Variants in DCTN4 observed in about 807,000 individuals in gnomAD.
DCTN4 encodes the protein dynactin subunit 4.
In DCTN4, 23 loss-of-function variants were observed where a neutral mutation model predicts 62.7. The ratio of observed to expected loss-of-function variants is 0.37; its 90% CI spans 0.26 to 0.52. The LOEUF (loss-of-function observed/expected upper bound fraction) is 0.52. Among genes scored for constraint, DCTN4 ranks in the 20% least tolerant of loss-of-function variants. DCTN4 has a pLI of 0.92. For synonymous variants in DCTN4, 199 were observed against 202.1 expected (o/e 0.98, Z 0.13); for missense variants, 514 against 580.4 (o/e 0.89, Z 1.18).
At chr5:150,722,541 G>A (rs757329755) in intron 9 of DCTN4, among the ~76,000 whole-genome samples, 1 of 152,124 alleles carries the variant, frequency 6.6e-6, no homozygotes, top group African/African-American at 2.4e-5. Context: ...CACTGTTACA[G>A]GGATACTCTT....
At chr5:150,757,960 ATTTTTTAAAAAAAGTATCCAC>A in intron 1 of DCTN4, 1 of 630,300 alleles carries the variant, frequency 1.6e-6, no homozygotes, top group Non-Finnish European at 2.0e-6. Flanking sequence ...TGTAAAAAAA[ATTTTTTAAAAAAAGTATCCAC>A]TTAAATTGGT....
chr5:150,756,468 G>C lies in DCTN4; in HGVS notation c.155C>G (p.Pro52Arg). ...VSHEVDSHYCPSCLENMPSAE... is the reference protein window; with the variant it reads ...VSHEVDSHYCRSCLENMPSAE... Reference sequence around the variant, plus strand: ...CGATGGCATATTTTCTAAACAACTGGGACAATAATGGGAGTCCACCTAGGA... The same window carrying C: ...CGATGGCATATTTTCTAAACAACTGCGACAATAATGGGAGTCCACCTAGGA... Residue 52 changes from proline to arginine, a missense_variant, in exon 2 of 13, where the codon CCC becomes CGC. Pro to Arg is a moderately radical substitution (Grantham distance 103, BLOSUM62 -2). Transcript: ENST00000447998. 6.2e-7 allele frequency: 1 copy of C among 1,600,894 alleles called. No individual in the cohort carries two copies. The highest frequency in any genetic ancestry group is 1.1e-5 in the South Asian group (1 of 88,046).
chr5:150,713,895 T>C (rs1759663286), intron 12 of DCTN4, among the ~76,000 whole-genome samples: 1 of 151,800 alleles, frequency 6.6e-6, no homozygotes, highest in Admixed American at 6.6e-5. Context: ...GTCGGGTGGA[T>C]CACTTTAGGT....
chr5:150,743,959 A>G (rs1341863138), intron 3 of DCTN4, among the ~76,000 whole-genome samples: 2 of 152,232 alleles, frequency 1.3e-5, no homozygotes, highest in Admixed American at 6.5e-5. Context: ...TGACGAGTTG[A>G]GAGAAGAAGG....
chr5:150,754,481 T>C (rs1752786817), intron 2 of DCTN4, among the ~76,000 whole-genome samples: 2 of 152,136 alleles, frequency 1.3e-5, no homozygotes, highest in African/African-American at 4.8e-5. Flanking sequence ...GAAAGACAAA[T>C]AATAGTGGTT....
intron 3 of DCTN4, among the ~76,000 whole-genome samples, chr5:150,747,632 G>T (rs1339962776): frequency 6.6e-6 from 1 of 151,906 alleles, no homozygotes; most frequent in Admixed American, 6.6e-5. Context: ...CAGAAATAAT[G>T]CCGCATATCT....
At chr5:150,756,621 ATTC>A in intron 1 of DCTN4, 134 bp from the exon 2 acceptor site, 1 of 406,270 alleles carries the variant, frequency 2.5e-6, no homozygotes, top group Non-Finnish European at 4.3e-6. Flanking sequence ...CTTAGGGTTT[ATTC>A]TTCTTCAGTC....
intron 4 of DCTN4, among the ~76,000 whole-genome samples, chr5:150,737,670 A>T (rs1397100694): frequency 6.6e-6 from 1 of 152,160 alleles, no homozygotes; most frequent in African/African-American, 2.4e-5. Flanking sequence ...AAAAAGTCTA[A>T]AAGAGTACAG....
At chr5:150,737,244 A>C (rs1296522806) in intron 4 of DCTN4, among the ~76,000 whole-genome samples, 1 of 152,190 alleles carries the variant, frequency 6.6e-6, no homozygotes, top group African/African-American at 2.4e-5. Context: ...ATGGACTTAC[A>C]CTATACCCTA....
At chr5:150,730,017 T>C (rs559389390) in intron 8 of DCTN4, among the ~76,000 whole-genome samples, 2 of 152,232 alleles carry the variant, frequency 1.3e-5, no homozygotes, top group African/African-American at 2.4e-5. Context: ...ACTAGCGACA[T>C]GTGGTTATTT....
At chr5:150,725,964 G>T (rs180988798) in intron 8 of DCTN4, among the ~76,000 whole-genome samples, 1 of 151,850 alleles carries the variant, frequency 6.6e-6, no homozygotes, top group Non-Finnish European at 1.5e-5. Context: ...GTACAATGGC[G>T]CAATCTTGGC....
At chr5:150,750,317 T>C (rs759235925) in intron 3 of DCTN4, among the ~76,000 whole-genome samples, 6 of 151,896 alleles carry the variant, frequency 4.0e-5, no homozygotes, top group Middle Eastern at 3.2e-3. Flanking sequence ...AATTTTAGAG[T>C]CCAAAAGTAC....
intron 11 of DCTN4, among the ~76,000 whole-genome samples, chr5:150,716,475 G>A (rs1183361558): frequency 2.0e-5 from 3 of 152,124 alleles, no homozygotes; most frequent in Non-Finnish European, 4.4e-5. Flanking sequence ...CTCTATCAGA[G>A]GTTAACAGTT....
intron 8 of DCTN4, among the ~76,000 whole-genome samples, chr5:150,725,522 CTTAA>C (rs1217778318): frequency 6.6e-6 from 1 of 151,466 alleles, no homozygotes; most frequent in Non-Finnish European, 1.5e-5. Context: ...ATTTTGGTTT[CTTAA>C]TTTATTAACA....
rs11954652 is a variant in DCTN4 at position 150,718,321 on chromosome 5, G to C, written c.1026C>G (p.Phe342Leu). 138,636 of 1,613,158 alleles carry C rather than the reference G, an allele frequency of 0.086. 16,388 individuals carry two copies. The highest frequency in any genetic ancestry group is 0.55 in the African/African-American group (41,428 of 74,788). The stretch of plus-strand genomic sequence containing the variant: ...CATCAGGGTCCCCCTCCTCACACTC[G>C]AAGAGAGTCACATGGGTGAGGTTCT... The part of the protein sequence containing the change: ...PVENLTHVTL[F>L]ECEEGDPDDI... The change falls in exon 11 of 13, where the codon TTC becomes TTG. Residue 342 changes from phenylalanine to leucine, a missense_variant. Phe to Leu is a conservative substitution (Grantham distance 22). Transcript: ENST00000447998.
chr5:150,720,917 GA>G (rs1411557902), intron 9 of DCTN4, among the ~76,000 whole-genome samples: 1 of 152,210 alleles, frequency 6.6e-6, no homozygotes, highest in African/African-American at 2.4e-5. Flanking sequence ...TAATTCTTAA[GA>G]AAGGAGTTCA....
intron 11 of DCTN4, among the ~76,000 whole-genome samples, chr5:150,717,211 T>C (rs1296681748): frequency 6.6e-6 from 1 of 152,188 alleles, no homozygotes; most frequent in Non-Finnish European, 1.5e-5. Context: ...ATTACATCCA[T>C]TCAACTCACA....
intron 9 of DCTN4, among the ~76,000 whole-genome samples, chr5:150,720,824 A>T (rs1369903436): frequency 6.6e-6 from 1 of 152,202 alleles, no homozygotes; most frequent in Non-Finnish European, 1.5e-5. Flanking sequence ...AAATGATGTC[A>T]GAAAAAAATC....
At chr5:150,756,649 T>TTC (rs35326450) in intron 1 of DCTN4, among the ~76,000 whole-genome samples, 162 bp from the exon 2 acceptor site, 1 of 151,464 alleles carries the variant, frequency 6.6e-6, no homozygotes, top group African/African-American at 2.4e-5. Context: ...GTTTTTTTTT[T>TTC]TTCTTCTTCT....
Sources: gnomAD v4.1 joint callset for allele counts (sites outside exome capture counted in the v4.1 genomes callset) on GRCh38, gnomAD v4.1.1 for gene constraint, MANE v1.5 for transcripts, NCBI Gene and HGNC (gene_info 2026-07-23, HGNC 2026-07-21) for gene names.